The following FKBP15 variants were observed in gnomAD, a reference collection of about 807,000 sequenced individuals.
The protein encoded by FKBP15 is FKBP prolyl isomerase family member 15.
In FKBP15, 106 loss-of-function variants were observed where a neutral mutation model predicts 158.1. That is an observed-to-expected ratio of 0.67 (90% CI 0.57 to 0.79). FKBP15 has a LOEUF of 0.79. Among genes scored for constraint, FKBP15 ranks in the 30% least tolerant of loss-of-function variants. The probability of loss-of-function intolerance (pLI) is 0.00; values close to 1 mark genes in which losing one functional copy is unlikely to be tolerated. For missense variants in FKBP15, 1,287 were observed against 1,479.1 expected (o/e 0.87, Z 2.13); for synonymous variants, 547 against 548.6 (o/e 1.00, Z 0.04).
intron 15 of FKBP15, among the ~76,000 whole-genome samples, 158 bp downstream of exon 15, chr9:113,186,091 G>T (rs1281291373): frequency 1.3e-5 from 2 of 152,202 alleles, no homozygotes; most frequent in East Asian, 3.8e-4. Context: ...CATTTAAAAT[G>T]AATGAATGTG....
chr9:113,170,960 A>G (rs770802538), intron 24 of FKBP15, among the ~76,000 whole-genome samples: 4 of 152,228 alleles, frequency 2.6e-5, no homozygotes, highest in African/African-American at 9.6e-5. Flanking sequence ...TCTAAGGGTC[A>G]GAGGCCAGTG....
chr9:113,203,673 G>A (rs2118932051), intron 4 of FKBP15, among the ~76,000 whole-genome samples: 1 of 151,888 alleles, frequency 6.6e-6, no homozygotes, highest in Admixed American at 6.6e-5. Flanking sequence ...GACTACAGGT[G>A]CACGCCACCA....
At chr9:113,166,616 G>A (rs983269912) in intron 27 of FKBP15, among the ~76,000 whole-genome samples, 2 of 152,216 alleles carry the variant, frequency 1.3e-5, no homozygotes, top group African/African-American at 4.8e-5. Flanking sequence ...GGCCTAAGGT[G>A]GCCTGACTGG....
chr9:113,195,090 A>C (rs1413899299), intron 9 of FKBP15, among the ~76,000 whole-genome samples: 1 of 152,222 alleles, frequency 6.6e-6, no homozygotes, highest in African/African-American at 2.4e-5. Flanking sequence ...ATTTATGCCA[A>C]GTGTTCCATT....
At position 113,161,499 on chromosome 9, in the gene FKBP15, C is replaced by T. The variant is rs1384438708; in HGVS notation, c.*4579G>A. On this transcript the variant is annotated 3_prime_UTR_variant, in exon 28 of 28. Transcript: ENST00000238256. ...TGGCCAGGTCTCCACAACTCTGCCT[C>T]CTTTGACAGGCATGGCCCTTTCGGT... The T allele has an allele frequency of 6.8e-6, 11 of 1,613,576 alleles. No homozygotes were observed. Among genetic ancestry groups the T allele is most frequent in the Non-Finnish European group, 9.3e-6 (11 of 1,179,734 alleles).
At chr9:113,171,516 C>T (rs1830208094) in intron 24 of FKBP15, 65 bp downstream of exon 24, 1 of 1,555,582 alleles carries the variant, frequency 6.4e-7, no homozygotes, top group Non-Finnish European at 8.7e-7. Flanking sequence ...ACACAACATA[C>T]TGGCCATGTT....
At chr9:113,200,461 T>C (rs895542205) in intron 6 of FKBP15, among the ~76,000 whole-genome samples, 1 of 152,182 alleles carries the variant, frequency 6.6e-6, no homozygotes, top group African/African-American at 2.4e-5. Flanking sequence ...AAGAAGGGCA[T>C]TTAAAAAATC....
chr9:113,168,640 TG>T, intron 26 of FKBP15, 84 bp from the exon 27 acceptor site: 2 of 1,194,274 alleles, frequency 1.7e-6, no homozygotes, highest in East Asian at 4.8e-5. Context: ...CACCGGCCCT[TG>T]GGTAAGAATT....
chr9:113,203,081 A>G, intron 4 of FKBP15, 46 bp from the exon 5 acceptor site: 1 of 1,272,934 alleles, frequency 7.9e-7, no homozygotes, highest in Non-Finnish European at 1.1e-6. Context: ...GAGAGACAGC[A>G]GAAGTTAAAA....
At chr9:113,196,575 G>C (rs7865937) in intron 9 of FKBP15, among the ~76,000 whole-genome samples, 46,931 of 151,724 alleles carry the variant, frequency 0.31, 7,358 homozygotes, top group East Asian at 0.34. Flanking sequence ...AGTAGAGATG[G>C]GGTTTCACCA....
rs983148602 is a variant in FKBP15 at position 113,207,106 on chromosome 9, G to T, written c.254+106C>A. 9 of 827,194 alleles carry T rather than the reference G, an allele frequency of 1.1e-5. No individual in the cohort carries two copies. The African/African-American group carries it at 1.4e-4, about 13-fold the overall frequency. 51.2% of individuals were successfully genotyped at this position (827,194 alleles called of 1,614,324 possible). A position where few individuals can be genotyped will look rare whatever the true frequency, so the allele number is the denominator to read the frequency against. ...TTCTACTGATATTTTGTCCGTGGAA[G>T]GGCTAAATAACCGTTTTGCAACAAA... On this transcript the variant is annotated intron_variant, in intron 3 of 27. Transcript: ENST00000238256.
At chr9:113,179,303 C>T (rs913938756) in intron 19 of FKBP15, among the ~76,000 whole-genome samples, 3 of 152,074 alleles carry the variant, frequency 2.0e-5, no homozygotes, top group African/African-American at 4.8e-5. Context: ...TATTCCTCGC[C>T]TTATTCCAAA....
rs992705030 is a variant in FKBP15, at chr9:113,162,401, T to C, written c.*3677A>G. 5 of 223,162 alleles carry C rather than the reference T, an allele frequency of 2.2e-5. No individual in the cohort carries two copies. The highest frequency in any genetic ancestry group is 4.4e-5 in the Non-Finnish European group (5 of 113,986). The allele number at this position is 223,162 out of a possible 1,614,324, so 13.8% of individuals were successfully genotyped here. On this transcript the variant is annotated 3_prime_UTR_variant, in exon 28 of 28. Coordinates refer to ENST00000238256, the MANE Select transcript of FKBP15 (RefSeq NM_015258.2). ...ACCATGCTTTTTCTTTCCATTGTCA[T>C]ACTGCCTCCCGAAGTAGATTCAGGG...
intron 26 of FKBP15, 43 bp downstream of exon 26, chr9:113,169,181 A>T (rs1435284872): frequency 6.4e-7 from 1 of 1,558,338 alleles, no homozygotes; most frequent in Non-Finnish European, 8.7e-7. Flanking sequence ...CACTCACCAC[A>T]GATAACTACC....
At chr9:113,172,377 C>T (rs1830229504) in intron 23 of FKBP15, among the ~76,000 whole-genome samples, 2 of 152,102 alleles carry the variant, frequency 1.3e-5, no homozygotes, top group South Asian at 2.1e-4. Flanking sequence ...AATGGGATTG[C>T]TGGGTCAAAT....
At chr9:113,170,283 A>C (rs910965043) in intron 25 of FKBP15, among the ~76,000 whole-genome samples, 2 of 151,898 alleles carry the variant, frequency 1.3e-5, no homozygotes, top group Admixed American at 1.3e-4. Context: ...GTGCCACCAT[A>C]CCCGGCTAAT....
intron 27 of FKBP15, among the ~76,000 whole-genome samples, chr9:113,167,069 G>A (rs1830110361): frequency 6.6e-6 from 1 of 152,168 alleles, no homozygotes; most frequent in African/African-American, 2.4e-5. Flanking sequence ...ACTTCTCTCT[G>A]GACATCAATG....
intron 2 of FKBP15, among the ~76,000 whole-genome samples, chr9:113,211,205 T>G (rs1830994655): frequency 6.6e-6 from 1 of 152,244 alleles, no homozygotes; most frequent in Non-Finnish European, 1.5e-5. Flanking sequence ...AGTCTCGCTC[T>G]GTTGCCCAGG....
At chr9:113,216,040 A>G (rs1831124137) in intron 1 of FKBP15, among the ~76,000 whole-genome samples, 2 of 149,994 alleles carry the variant, frequency 1.3e-5, no homozygotes, top group Admixed American at 6.8e-5. Context: ...AATGATGCCA[A>G]TAGACTCACT....
Sources: gnomAD v4.1 joint callset for allele counts (sites outside exome capture counted in the v4.1 genomes callset) on GRCh38, gnomAD v4.1.1 for gene constraint, MANE v1.5 for transcripts, NCBI Gene and HGNC (gene_info 2026-07-23, HGNC 2026-07-21) for gene names.